Variants in TANK observed in about 807,000 individuals in gnomAD.
TANK encodes TRAF family member associated NFKB activator.
TANK carries 15 observed loss-of-function variants against 43.6 expected under a neutral mutation model. The observed-to-expected ratio is 0.34, with a 90% confidence interval of 0.23 to 0.53. The LOEUF (loss-of-function observed/expected upper bound fraction) is 0.53. Among genes scored for constraint, TANK ranks in the 20% least tolerant of loss-of-function variants. The pLI is 0.94. For missense variants in TANK, 417 were observed against 498.6 expected (o/e 0.84, Z 1.56); for synonymous variants, 162 against 178.2 (o/e 0.91, Z 0.73).
At chr2:161,208,326 A>T (rs2105353206) in intron 4 of TANK, among the ~76,000 whole-genome samples, 1 of 152,290 alleles carries the variant, frequency 6.6e-6, no homozygotes, top group East Asian at 1.9e-4. Flanking sequence ...ACACAAAAAG[A>T]ATGCAAAAAT....
chr2:161,209,591 G>A (rs143325839), intron 4 of TANK, among the ~76,000 whole-genome samples: 24 of 152,238 alleles, frequency 1.6e-4, no homozygotes, highest in African/African-American at 5.3e-4. Context: ...ACTATCTTGA[G>A]TGTCTAGGTT....
At chr2:161,139,692 T>C in intron 1 of TANK, 1 of 985,400 alleles carries the variant, frequency 1.0e-6, no homozygotes, top group South Asian at 4.7e-5. Flanking sequence ...CTTAGACACC[T>C]CTTCTCTATT....
chr2:161,183,303 C>T (rs1685513784), intron 2 of TANK, among the ~76,000 whole-genome samples: 2 of 151,894 alleles, frequency 1.3e-5, no homozygotes, highest in South Asian at 4.1e-4. Context: ...AAAGAGCGCA[C>T]AGTATGAGAG....
chr2:161,192,542 T>C (rs1685963961), intron 2 of TANK, among the ~76,000 whole-genome samples: 2 of 152,226 alleles, frequency 1.3e-5, no homozygotes, highest in Admixed American at 1.3e-4. Flanking sequence ...TTGTTTTTTT[T>C]AGAACCTCTA....
intron 7 of TANK, among the ~76,000 whole-genome samples, chr2:161,234,591 GTTAGA>G (rs997835468): frequency 3.9e-5 from 6 of 152,176 alleles, no homozygotes; most frequent in Non-Finnish European, 8.8e-5. Context: ...AGGTGGTTCT[GTTAGA>G]TTATGACTTT....
At chr2:161,218,095 T>C (rs1021699716) in intron 4 of TANK, among the ~76,000 whole-genome samples, 29 of 152,180 alleles carry the variant, frequency 1.9e-4, no homozygotes, top group African/African-American at 6.3e-4. Context: ...TTGGCAAAAC[T>C]TGAGTAAATC....
At chr2:161,163,520 G>A (rs1412034449) in intron 1 of TANK, 1 of 152,104 alleles carries the variant, frequency 6.6e-6, no homozygotes, top group Admixed American at 6.6e-5. Flanking sequence ...TTATGTTACA[G>A]AAGCAAGGGT....
rs1686944197 is a variant in TANK at position 161,212,667 on chromosome 2, CT to C, written c.327+7875del. On this transcript the variant is annotated intron_variant, in intron 4 of 7. Coordinates refer to ENST00000392749, the MANE Select transcript of TANK (RefSeq NM_001199135.3). ...TATGGCTTTTCTCTCCTTATTTCCC[CT>C]ATCATCCCTTTTCTCACACTTCTCT... 9 of 985,294 alleles carry C rather than the reference CT, an allele frequency of 9.1e-6. No individual in the cohort carries two copies. The South Asian group carries it at 2.3e-4, about 26-fold the overall frequency. 61.0% of individuals were successfully genotyped at this position (985,294 alleles called of 1,614,324 possible).
chr2:161,228,973 G>A lies in TANK; in HGVS notation c.521-1998G>A, dbSNP rs1027519374. On this transcript the variant is annotated intron_variant, in intron 6 of 7. Transcript: ENST00000392749. ...GCTTTCTGTAAGTACACTCTATGAT[G>A]TTTGCACAATGACAAAATTGCCTAA... Among the ~76,000 whole-genome samples the A allele has an allele frequency of 3.3e-5, 5 of 152,216 alleles. No homozygotes were observed. The East Asian group carries it at 9.6e-4, about 29-fold the overall frequency.
chr2:161,157,207 C>T (rs977736144), upstream of TANK, among the ~76,000 whole-genome samples: 1 of 152,202 alleles, frequency 6.6e-6, no homozygotes, highest in Admixed American at 6.5e-5. Context: ...AGTACATGTC[C>T]ATTTCAGCTT....
At chr2:161,161,558 A>C in intron 1 of TANK, 2 of 1,370,216 alleles carry the variant, frequency 1.5e-6, no homozygotes, top group Non-Finnish European at 1.9e-6. Context: ...CAAGCCTTCC[A>C]CATCTTTCCT....
At chr2:161,215,378 T>TA (rs1445513571) in intron 4 of TANK, among the ~76,000 whole-genome samples, 1 of 152,254 alleles carries the variant, frequency 6.6e-6, no homozygotes, top group Non-Finnish European at 1.5e-5. Context: ...TCTTTTCACA[T>TA]ACATTGGATA....
intron 1 of TANK, among the ~76,000 whole-genome samples, chr2:161,146,542 T>C (rs968671044): frequency 6.6e-6 from 1 of 150,448 alleles, no homozygotes; most frequent in Admixed American, 6.6e-5. Context: ...TGCTGTCTGT[T>C]TGTTTGTTTT....
chr2:161,160,287 G>GGGGCGGGGCAGAAGAGCCCTGGGCT (rs1198880504), upstream of TANK: 18 of 502,354 alleles, frequency 3.6e-5, no homozygotes, highest in East Asian at 3.2e-4. Context: ...GGGGCGGGCA[G>GGGGCGGGGCAGAAGAGCCCTGGGCT]GGGCGGGGCA....
intron 1 of TANK, among the ~76,000 whole-genome samples, chr2:161,167,306 A>C (rs1419944973): frequency 6.6e-6 from 1 of 152,220 alleles, no homozygotes; most frequent in Non-Finnish European, 1.5e-5. Flanking sequence ...CTGGTTGAAC[A>C]GGCAGTTAGA....
At chr2:161,160,617 A>G (rs1684374439) in intron 1 of TANK, 131 bp downstream of exon 1, 2 of 758,216 alleles carry the variant, frequency 2.6e-6, no homozygotes, top group Non-Finnish European at 3.9e-6. Flanking sequence ...GGAGCAGCGG[A>G]GACAACCAAT....
chr2:161,193,737 G>A (rs1216582358), intron 2 of TANK, among the ~76,000 whole-genome samples: 2 of 152,158 alleles, frequency 1.3e-5, no homozygotes, highest in African/African-American at 4.8e-5. Flanking sequence ...AGAGCAGGCA[G>A]CTTTCTTTTA....
At chr2:161,216,680 T>A (rs1381359569) in intron 4 of TANK, among the ~76,000 whole-genome samples, 1 of 152,122 alleles carries the variant, frequency 6.6e-6, no homozygotes, top group East Asian at 1.9e-4. Context: ...GGGTTTCTCC[T>A]GCCCTAAGAT....
intron 4 of TANK, among the ~76,000 whole-genome samples, chr2:161,209,714 A>G (rs1402717444): frequency 1.3e-5 from 2 of 152,226 alleles, no homozygotes; most frequent in Non-Finnish European, 2.9e-5. Flanking sequence ...GCAATAATAT[A>G]GAAGACAAAA....
Sources: gnomAD v4.1 joint callset for allele counts (sites outside exome capture counted in the v4.1 genomes callset) on GRCh38, gnomAD v4.1.1 for gene constraint, MANE v1.5 for transcripts, NCBI Gene and HGNC (gene_info 2026-07-23, HGNC 2026-07-21) for gene names.